The following DDX39B variants were observed in gnomAD, a reference collection of about 807,000 sequenced individuals.
DDX39B encodes DExD-box helicase 39B.
In DDX39B, 6 loss-of-function variants were observed where a neutral mutation model predicts 46.4. The observed-to-expected ratio is 0.13, with a 90% confidence interval of 0.07 to 0.26. The LOEUF is 0.26. DDX39B is among the 10% of genes least tolerant of loss of function. The pLI is 1.00. For synonymous variants in DDX39B, 174 were observed against 199.4 expected (o/e 0.87, Z 1.07); for missense variants, 185 against 553.4 (o/e 0.33, Z 6.68).
At chr6:31,532,280 C>G (rs1183939658) in intron 7 of DDX39B, 1 of 153,572 alleles carries the variant, frequency 6.5e-6, no homozygotes, top group East Asian at 1.9e-4. Context: ...ACTCTGTTGC[C>G]CAAGCTGGAG....
chr6:31,539,526 T>C (rs1768161453), intron 2 of DDX39B, among the ~76,000 whole-genome samples: 1 of 152,156 alleles, frequency 6.6e-6, no homozygotes, highest in South Asian at 2.1e-4. Context: ...ACAAACCCCT[T>C]GCATCTACCA....
intron 2 of DDX39B, 91 bp downstream of exon 2, chr6:31,540,230 AC>A (rs1768253546): frequency 3.6e-6 from 5 of 1,393,990 alleles, no homozygotes; most frequent in Non-Finnish European, 5.0e-6. Flanking sequence ...TTAAGTATAA[AC>A]CCTTACCACC....
chr6:31,536,376 C>T (rs562527302), intron 5 of DDX39B, 124 bp downstream of exon 5: 7 of 1,363,818 alleles, frequency 5.1e-6, no homozygotes, highest in East Asian at 2.3e-5. Flanking sequence ...GAACCCAGAG[C>T]CATCAGTCAT....
chr6:31,531,481 G>C lies in DDX39B; in HGVS notation c.868-76C>G. ...GGTGTGTGAGAGACATTACGTGGGA[G>C]AGGGGAGTTTCTAGTAATTACGTTC... is the stretch of plus-strand genomic sequence containing the variant. On this transcript the variant is annotated intron_variant, in intron 7 of 10. Coordinates refer to ENST00000396172, the MANE Select transcript of DDX39B (RefSeq NM_004640.7). The surrounding 1 kb of genome is among the most constrained non-coding windows in gnomAD (Gnocchi z 5.8). 1.6e-6 allele frequency: 2 copies of C among 1,287,670 alleles called. No individual in the cohort carries two copies. Among genetic ancestry groups the C allele is most frequent in the Non-Finnish European group, 2.2e-6 (2 of 894,734 alleles). 79.8% of individuals were successfully genotyped at this position (1,287,670 alleles called of 1,614,324 possible). A position where few individuals can be genotyped will look rare whatever the true frequency, so the allele number is the denominator to read the frequency against.
rs529970580 is a variant in DDX39B, at chr6:31,531,394, A to G, written c.879T>C (p.Phe293=). The G allele has an allele frequency of 6.2e-7, 1 of 1,614,110 alleles. No individual in the cohort carries two copies. The highest frequency in any genetic ancestry group is 1.7e-5 in the Admixed American group (1 of 60,018). ...CAATGCACCGCTGCACAGACTTCAC[A>G]AAGATCACCACCTGTTGTGGGGTGG... ...DVLEFNQVVI[F]VKSVQRCIAL... The change falls in exon 8 of 11, where the codon TTT becomes TTC. Residue 293 remains phenylalanine, a synonymous_variant. Coordinates refer to ENST00000396172, the MANE Select transcript of DDX39B (RefSeq NM_004640.7). The surrounding 1 kb of genome is among the most constrained non-coding windows in gnomAD (Gnocchi z 5.8).
Position 31,532,830 on chromosome 6 carries a change from C to G in DDX39B, c.817G>C (p.Glu273Gln), listed in dbSNP as rs777865377. 1 of 1,605,318 alleles carries G rather than the reference C, an allele frequency of 6.2e-7. No homozygotes were observed. Reference protein sequence around the residue: ...QQYYVKLKDNEKNRKLFDLLD... With the variant: ...QQYYVKLKDNQKNRKLFDLLD... ...AGGTCAAAGAGCTTCCGGTTCTTCT[C>G]GTTGTCCTTCAGTTTCACGTAGTAC... Residue 273 changes from glutamate (E) to glutamine (Q), a missense_variant, in exon 7 of 11, where the codon GAG becomes CAG. Around this residue, in one of 5 missense-constraint regions of DDX39B, gnomAD observed 110 missense variants for 282.2 expected, o/e 0.39. Coordinates refer to ENST00000396172, the MANE Select transcript of DDX39B (RefSeq NM_004640.7).
At chr6:31,537,992 G>A (rs1029737766) in intron 4 of DDX39B, among the ~76,000 whole-genome samples, 11 of 151,842 alleles carry the variant, frequency 7.2e-5, no homozygotes, top group Non-Finnish European at 1.3e-4. Context: ...CTGAGATCGC[G>A]CCACTACACT....
chr6:31,540,292 T>G (rs12665501), intron 2 of DDX39B, 30 bp downstream of exon 2: 34,436 of 1,608,384 alleles, frequency 0.021, 895 homozygotes, highest in South Asian at 0.1. Context: ...AAGAGCCCAA[T>G]GAGCACTACA....
intron 4 of DDX39B, among the ~76,000 whole-genome samples, chr6:31,537,027 C>T (rs1316747677): frequency 2.0e-5 from 3 of 152,188 alleles, no homozygotes; most frequent in South Asian, 4.1e-4. Context: ...GGCTGAGGCA[C>T]GAGAACCTGG....
In DDX39B at chr6:31,535,646, G is replaced by C. The variant is rs1378284631; in HGVS notation, c.617-161C>G. 6.6e-6 allele frequency among the ~76,000 whole-genome samples: 1 copy of C among 151,942 alleles called. No homozygotes were observed. The highest frequency in any genetic ancestry group is 1.5e-5 in the Non-Finnish European group (1 of 67,866). On this transcript the variant is annotated intron_variant, in intron 5 of 10. Transcript: ENST00000396172. This position sits in a 1 kb window ranked among gnomAD's most constrained non-coding sequence, Gnocchi z 4.6. ...CAAGAAGTGGGATCAGATTCCAGCTGTTTGTTTTAACCAAGCAAGAAATAA... is the reference window on the plus strand; with the variant it reads ...CAAGAAGTGGGATCAGATTCCAGCTCTTTGTTTTAACCAAGCAAGAAATAA...
Position 31,531,965 on chromosome 6 carries a change from A to G in DDX39B, c.868-560T>C, listed in dbSNP as rs1001426600. ...CCCAAGCAGCTGGGACCACAGGTGC[A>G]CACCACCACGCCCAGCTACTTTTTT... On this transcript the variant is annotated intron_variant, in intron 7 of 10. Transcript: ENST00000396172. The surrounding 1 kb of genome is among the most constrained non-coding windows in gnomAD (Gnocchi z 5.8). Among the ~76,000 whole-genome samples the G allele has an allele frequency of 6.6e-6, 1 of 152,054 alleles. No homozygotes were observed. Among genetic ancestry groups the G allele is most frequent in the Non-Finnish European group, 1.5e-5 (1 of 67,994 alleles).
chr6:31,530,617 A>G lies in DDX39B; in HGVS notation c.1270+162T>C. The G allele has an allele frequency of 7.7e-7, 1 of 1,300,388 alleles. No homozygotes were observed. The highest frequency in any genetic ancestry group is 1.4e-5 in the South Asian group (1 of 73,082). The allele number at this position is 1,300,388 out of a possible 1,614,324, so 80.6% of individuals were successfully genotyped here. On this transcript the variant is annotated intron_variant, in intron 10 of 10. Transcript: ENST00000396172. The surrounding 1 kb of genome is among the most constrained non-coding windows in gnomAD (Gnocchi z 4.5). ...TGAGAGAAGACAAGACACCCCACAT[A>G]AAGGTCAGAAAAACATCCCAACACA... is the stretch of plus-strand genomic sequence containing the variant.
At chr6:31,533,871 T>G (rs1315427154) in intron 6 of DDX39B, 1 of 152,000 alleles carries the variant, frequency 6.6e-6, no homozygotes, top group Non-Finnish European at 1.5e-5. Context: ...TTACCACAAC[T>G]CCAAAGCCCA....
rs377444138 is a variant in DDX39B, at chr6:31,536,689, G to A, written c.433-6C>T. ...CCACCAAAAAAAACAGCAACCTGCC[G>A]AGCCAGAAGCAAAGAGTCTCAAAAC... is the stretch of plus-strand genomic sequence containing the variant. On this transcript the variant is annotated splice_polypyrimidine_tract_variant and splice_region_variant and intron_variant, in intron 4 of 10. Coordinates refer to ENST00000396172, the MANE Select transcript of DDX39B (RefSeq NM_004640.7). 800 of 1,611,746 alleles carry A rather than the reference G, an allele frequency of 5.0e-4. 6 individuals carry two copies. The African/African-American group carries it at 6.3e-3, about 13-fold the overall frequency.
In DDX39B at chr6:31,530,981, G is replaced by T. The variant is rs1471553287; in HGVS notation, c.1123-55C>A. The T allele has an allele frequency of 1.2e-6, 2 of 1,613,552 alleles. No homozygotes were observed. Among genetic ancestry groups the T allele is most frequent in the South Asian group, 2.2e-5 (2 of 91,060 alleles). The stretch of plus-strand genomic sequence containing the variant: ...GACCGAAGAGGAAAGAGACCCAGAG[G>T]CAGGAATGAAGATGTACAAACAGAA... On this transcript the variant is annotated intron_variant, in intron 9 of 10. Coordinates refer to ENST00000396172, the MANE Select transcript of DDX39B (RefSeq NM_004640.7). This position sits in a 1 kb window ranked among gnomAD's most constrained non-coding sequence, Gnocchi z 4.5.
rs887296773 is a variant in DDX39B, at chr6:31,539,034, G to T, written c.339+113C>A. ...CCCCACAGCTGTCAGGTTGTCAAGGGTAACAGAGGTCATGTGCTCATGGCT... is the reference window on the plus strand; with the variant it reads ...CCCCACAGCTGTCAGGTTGTCAAGGTTAACAGAGGTCATGTGCTCATGGCT... On this transcript the variant is annotated intron_variant, in intron 3 of 10. Transcript: ENST00000396172. 6.3e-6 allele frequency: 10 copies of T among 1,582,004 alleles called. No homozygotes were observed. In the Admixed American group the frequency reaches 1.2e-4, roughly 18 times the overall value.
At position 31,540,428 on chromosome 6, in the gene DDX39B, G is replaced by A; in HGVS notation, c.105C>T (p.Val35=). 6.2e-7 allele frequency: 1 copy of A among 1,614,172 alleles called. No individual in the cohort carries two copies. Residue 35 remains valine, a synonymous_variant, in exon 2 of 11, where the codon GTC becomes GTT. Transcript: ENST00000396172. ...TGTGGATGGAGACATAGGAGCCCTT[G>A]ACATCCTTCTTGGCAGGGGCCTCAG... is the stretch of plus-strand genomic sequence containing the variant. The part of the protein sequence containing the change: ...DGAEAPAKKD[V]KGSYVSIHSS...
chr6:31,538,980 C>T (rs1484455186), intron 3 of DDX39B, 125 bp from the exon 4 acceptor site: 4 of 1,486,654 alleles, frequency 2.7e-6, no homozygotes, highest in Non-Finnish European at 3.8e-6. Flanking sequence ...TGATCTAAAT[C>T]ATGAACCCCA....
At position 31,532,760 on chromosome 6, in the gene DDX39B, C is replaced by G; in HGVS notation, c.867+20G>C. ...CTGGAGTGCTCCAATGCTCATCCCC[C>G]TACTGGACGTCTAACTGACCTGGTT... On this transcript the variant is annotated intron_variant, in intron 7 of 10. Transcript: ENST00000396172. The G allele has an allele frequency of 6.2e-7, 1 of 1,609,820 alleles. No homozygotes were observed.
Sources: gnomAD v4.1 joint callset for allele counts (sites outside exome capture counted in the v4.1 genomes callset) on GRCh38, gnomAD v4.1.1 for gene constraint, gnomAD v4.1.1 regional missense constraint, Gnocchi (gnomAD v3.1) non-coding constraint, MANE v1.5 for transcripts, NCBI Gene and HGNC (gene_info 2026-07-23, HGNC 2026-07-21) for gene names.